Variants in CCDC159 observed in about 807,000 individuals in gnomAD.
The protein encoded by CCDC159 is coiled-coil domain containing 159, also known as coiled-coil domain-containing protein 159.
CCDC159 carries 40 observed loss-of-function variants against 50.9 expected under a neutral mutation model. That is an observed-to-expected ratio of 0.79 (90% CI 0.61 to 1.02). The LOEUF (loss-of-function observed/expected upper bound fraction) is 1.02, where lower values mean the gene tolerates loss of function less well. CCDC159 is among the 50% of genes least tolerant of loss of function. The probability of loss-of-function intolerance (pLI) is 0.00; values close to 1 mark genes in which losing one functional copy is unlikely to be tolerated. For synonymous variants in CCDC159, 146 were observed against 138.9 expected (o/e 1.05, Z -0.36); for missense variants, 356 against 371.5 (o/e 0.96, Z 0.34).
At chr19:11,350,271 G>A in intron 4 of CCDC159, 72 bp downstream of exon 4, 2 of 1,371,466 alleles carry the variant, frequency 1.5e-6, no homozygotes, top group East Asian at 4.9e-5. Context: ...CCCAGCATTT[G>A]GGGAGGCCAA....
intron 2 of CCDC159, 53 bp downstream of exon 2, chr19:11,349,740 A>G: frequency 7.0e-7 from 1 of 1,419,166 alleles, no homozygotes; most frequent in South Asian, 1.2e-5. Context: ...GCTGGTTTCT[A>G]CCTCTACCCT....
intron 5 of CCDC159, 184 bp from the exon 6 acceptor site, chr19:11,351,722 G>C: frequency 1.7e-6 from 1 of 575,564 alleles, no homozygotes. Flanking sequence ...GAGAGAATGG[G>C]AGGCTGGGGA....
chr19:11,352,311 T>G (rs959639728), intron 7 of CCDC159, 178 bp downstream of exon 7: 3 of 652,316 alleles, frequency 4.6e-6, no homozygotes, highest in African/African-American at 1.8e-5. Flanking sequence ...ATCTGTATAA[T>G]GGATGTAATA....
At chr19:11,347,570 T>C (rs542924841) in intron 1 of CCDC159, among the ~76,000 whole-genome samples, 1 of 152,198 alleles carries the variant, frequency 6.6e-6, no homozygotes, top group Non-Finnish European at 1.5e-5. Context: ...CCTCAGGTGA[T>C]CCACCTGCCT....
chr19:11,349,086 G>A (rs1368139088), intron 1 of CCDC159: 2 of 1,347,290 alleles, frequency 1.5e-6, no homozygotes, highest in Non-Finnish European at 2.0e-6. Context: ...AGGCCAGGGT[G>A]GGGCTCAGGG....
chr19:11,349,345 A>G (rs1023110664), intron 1 of CCDC159: 1 of 490,472 alleles, frequency 2.0e-6, no homozygotes, highest in Non-Finnish European at 3.5e-6. Flanking sequence ...GGCACTCAGC[A>G]GGCCCTGGCT....
In CCDC159 at chr19:11,354,593, CCAGTGCCTGAGCCCTCCA is replaced by C. The variant is rs539681039; in HGVS notation, c.788_805del (p.Gln263_Pro268del). 6,546 of 1,586,954 alleles carry C rather than the reference CCAGTGCCTGAGCCCTCCA, an allele frequency of 4.1e-3. 36 individuals carry two copies. Among genetic ancestry groups the C allele is most frequent in the Non-Finnish European group, 5.0e-3 (5,792 of 1,165,474 alleles). ...TCCCTCCTGCAGGCCACAAGGGGCA[CCAGTGCCTGAGCCCTCCA>C]CTCCCCTCCTGGGACTCTGACTCCG... On this transcript the variant is annotated inframe_deletion, in exon 10 of 11. Coordinates refer to ENST00000458408, the MANE Select transcript of CCDC159 (RefSeq NM_001080503.3).
At chr19:11,350,426 G>A (rs1967506662) in intron 4 of CCDC159, among the ~76,000 whole-genome samples, 1 of 150,908 alleles carries the variant, frequency 6.6e-6, no homozygotes, top group Non-Finnish European at 1.5e-5. Context: ...GCTGAGGCAG[G>A]TGGATCACCT....
At chr19:11,346,780 C>A in intron 1 of CCDC159, 153 bp downstream of exon 1, 1 of 845,260 alleles carries the variant, frequency 1.2e-6, no homozygotes, top group Non-Finnish European at 1.9e-6. Context: ...AGAGGAGGCA[C>A]TACTGGGGAC....
chr19:11,353,357 C>T (rs949569562), intron 7 of CCDC159, 94 bp from the exon 8 acceptor site: 14 of 1,367,912 alleles, frequency 1.0e-5, no homozygotes, highest in Admixed American at 2.4e-5. Context: ...GCCTCGGCCT[C>T]CCAAAGTGCT....
chr19:11,347,112 C>T (rs1967282701), intron 1 of CCDC159, among the ~76,000 whole-genome samples: 1 of 151,864 alleles, frequency 6.6e-6, no homozygotes, highest in East Asian at 1.9e-4. Flanking sequence ...AACCGTCATA[C>T]TCTGCTGTCC....
At chr19:11,346,700 G>A (rs1441454459) in intron 1 of CCDC159, 73 bp downstream of exon 1, 42 of 1,488,372 alleles carry the variant, frequency 2.8e-5, no homozygotes, top group Non-Finnish European at 3.7e-5. Context: ...CCAGGATGAT[G>A]ACCCCGCCCC....
Position 11,352,116 on chromosome 19 carries a change from CA to C in CCDC159, c.551del (p.Gln184ArgfsTer2). ...GAACATTCAGAAAATGCAGAAAACG[CA>C]GGTGAAATGCCGCAAAGTGAGTGGA... ...LVNIQKMQKTQVKCRKILTKM... is the reference protein window; with the variant it reads ...LVNIQKMQKTXVKCRKILTKM... On this transcript the variant is annotated frameshift_variant, in exon 7 of 11. Coordinates refer to ENST00000458408, the MANE Select transcript of CCDC159 (RefSeq NM_001080503.3). LOFTEE classifies it high-confidence loss of function. The C allele has an allele frequency of 6.2e-7, 1 of 1,613,600 alleles. No homozygotes were observed. Among genetic ancestry groups the C allele is most frequent in the African/African-American group, 1.3e-5 (1 of 74,954 alleles).
Position 11,350,859 on chromosome 19 carries a change from G to A in CCDC159, c.278G>A (p.Gly93Asp). 2 of 1,551,712 alleles carry A rather than the reference G, an allele frequency of 1.3e-6. No individual in the cohort carries two copies. Among genetic ancestry groups the A allele is most frequent in the Non-Finnish European group, 1.7e-6 (2 of 1,147,766 alleles). ...GGAGAGAAGGAGGAGCACAAGTGGGGCATGGAGCAGGGCCGGCAGGAGCTG... is the reference window on the plus strand; with the variant it reads ...GGAGAGAAGGAGGAGCACAAGTGGGACATGGAGCAGGGCCGGCAGGAGCTG... ...RQGEKEEHKWGMEQGRQELYG... is the reference protein window; with the variant it reads ...RQGEKEEHKWDMEQGRQELYG... The change falls in exon 5 of 11, where the codon GGC (glycine) becomes GAC (aspartate). Residue 93 changes from glycine to aspartate, a missense_variant. By Grantham distance (94) the Gly-to-Asp change is moderately conservative. Coordinates refer to ENST00000458408, the MANE Select transcript of CCDC159 (RefSeq NM_001080503.3).
intron 1 of CCDC159, chr19:11,349,072 CTGCAGG>C: frequency 1.5e-6 from 2 of 1,345,208 alleles, no homozygotes; most frequent in Non-Finnish European, 2.0e-6. Flanking sequence ...GGACTGCAGA[CTGCAGG>C]CCAGGGTGGG....
intron 4 of CCDC159, 104 bp downstream of exon 4, chr19:11,350,303 C>T: frequency 2.3e-6 from 2 of 863,154 alleles, no homozygotes; most frequent in South Asian, 2.9e-5. Context: ...CACTTGAGGT[C>T]AGGAGTTTGA....
chr19:11,346,713 C>T (rs923129517), intron 1 of CCDC159, 86 bp downstream of exon 1: 22 of 1,438,552 alleles, frequency 1.5e-5, no homozygotes, highest in Non-Finnish European at 1.8e-5. Context: ...CCCGCCCCCT[C>T]CCTAAATAAT....
At chr19:11,354,439 A>T in intron 9 of CCDC159, 141 bp from the exon 10 acceptor site, 1 of 762,994 alleles carries the variant, frequency 1.3e-6, no homozygotes, top group Non-Finnish European at 2.1e-6. Flanking sequence ...TTGAAGTCAT[A>T]ATTTGGTGTC....
chr19:11,354,736 T>A (rs781149615), intron 10 of CCDC159, 40 bp downstream of exon 10: 1 of 1,580,932 alleles, frequency 6.3e-7, no homozygotes, highest in Non-Finnish European at 8.6e-7. Context: ...CCCATTTCCC[T>A]CCTGACCTGC....
Sources: gnomAD v4.1 joint callset for allele counts (sites outside exome capture counted in the v4.1 genomes callset) on GRCh38, gnomAD v4.1.1 for gene constraint, MANE v1.5 for transcripts, NCBI Gene and HGNC (gene_info 2026-07-23, HGNC 2026-07-21) for gene names.